The following PLSCR4 variants were observed in gnomAD, a reference collection of about 807,000 sequenced individuals.
The protein encoded by PLSCR4 is Ca(2+)-dependent phospholipid scramblase 4.
Under a neutral mutation model 36.3 loss-of-function variants are expected in PLSCR4, and 25 were observed. That is an observed-to-expected ratio of 0.69 (90% CI 0.50 to 0.96). The LOEUF (loss-of-function observed/expected upper bound fraction) is 0.96. PLSCR4 is among the 40% of genes least tolerant of loss of function. PLSCR4 has a pLI of 0.00. For missense variants in PLSCR4, 408 were observed against 414.7 expected (o/e 0.98, Z 0.14); for synonymous variants, 122 against 132.9 (o/e 0.92, Z 0.56).
intron 1 of PLSCR4, among the ~76,000 whole-genome samples, chr3:146,242,194 T>C (rs2036176762): frequency 6.6e-6 from 1 of 152,220 alleles, no homozygotes; most frequent in Non-Finnish European, 1.5e-5. Flanking sequence ...TGCCTGCCCA[T>C]GTTGCTCGGT....
intron 1 of PLSCR4, among the ~76,000 whole-genome samples, chr3:146,227,267 A>G (rs1038305573): frequency 6.6e-6 from 1 of 152,096 alleles, no homozygotes; most frequent in African/African-American, 2.4e-5. Flanking sequence ...AGGCCTTGGT[A>G]TTTTGGGGGC....
intron 1 of PLSCR4, among the ~76,000 whole-genome samples, chr3:146,236,426 C>T (rs1012516462): frequency 6.6e-6 from 1 of 152,000 alleles, no homozygotes; most frequent in Admixed American, 6.6e-5. Context: ...TTTTAAATGA[C>T]TCTGATATTG....
chr3:146,230,195 A>AAAT (rs57584804), intron 1 of PLSCR4, among the ~76,000 whole-genome samples: 3 of 152,124 alleles, frequency 2.0e-5, no homozygotes, highest in Admixed American at 6.5e-5. Context: ...GATTGCTAAA[A>AAAT]AATAATAATA....
intron 3 of PLSCR4, among the ~76,000 whole-genome samples, chr3:146,211,810 A>C (rs1013248700): frequency 6.6e-6 from 1 of 152,154 alleles, no homozygotes; most frequent in Non-Finnish European, 1.5e-5. Context: ...TGAAAAGAGT[A>C]TTCTTTCCCT....
At chr3:146,196,881 T>C in intron 6 of PLSCR4, 88 bp from the exon 7 acceptor site, 7 of 1,084,816 alleles carry the variant, frequency 6.5e-6, no homozygotes, top group Non-Finnish European at 6.8e-6. Context: ...AGATGTGTCC[T>C]CACTCATTCA....
intron 1 of PLSCR4, among the ~76,000 whole-genome samples, chr3:146,239,062 A>G (rs1397329673): frequency 1.3e-5 from 2 of 152,192 alleles, no homozygotes; most frequent in African/African-American, 2.4e-5. Flanking sequence ...AGGCTTGTAC[A>G]CTGAAAACCA....
chr3:146,196,652 C>T lies in PLSCR4; in HGVS notation c.766G>A (p.Gly256Ser). ...VRGPCSTYGC[G>S]SDSVFEVKSL... ...TTCACCTCAAAAACAGAATCTGAAC[C>T]ACAGCCATAGGTTGAGCATGGCCCA... The change falls in exon 7 of 9, where the codon GGT becomes AGT. Residue 256 changes from glycine (G) to serine (S), a missense_variant. By Grantham distance (56) the Gly-to-Ser change is moderately conservative. Transcript: ENST00000354952. The T allele has an allele frequency of 6.2e-7, 1 of 1,613,786 alleles. No individual in the cohort carries two copies. Among genetic ancestry groups the T allele is most frequent in the Non-Finnish European group, 8.5e-7 (1 of 1,179,822 alleles).
At chr3:146,216,917 G>A (rs2034923502) in intron 3 of PLSCR4, among the ~76,000 whole-genome samples, 1 of 152,104 alleles carries the variant, frequency 6.6e-6, no homozygotes, top group African/African-American at 2.4e-5. Flanking sequence ...AGGTGATGAA[G>A]TCTAAGACAT....
chr3:146,203,524 C>T (rs2034153883), intron 4 of PLSCR4, among the ~76,000 whole-genome samples: 1 of 152,022 alleles, frequency 6.6e-6, no homozygotes, highest in African/African-American at 2.4e-5. Flanking sequence ...GAGTCACCTT[C>T]ATCAATGATC....
At chr3:146,211,081 G>C (rs1350500276) in intron 3 of PLSCR4, among the ~76,000 whole-genome samples, 1 of 151,952 alleles carries the variant, frequency 6.6e-6, no homozygotes, top group African/African-American at 2.4e-5. Flanking sequence ...CAGTTCTCTA[G>C]CTATGAGTGA....
At chr3:146,245,893 A>G (rs533864643) in intron 1 of PLSCR4, among the ~76,000 whole-genome samples, 1 of 152,230 alleles carries the variant, frequency 6.6e-6, no homozygotes, top group African/African-American at 2.4e-5. Flanking sequence ...AATCCTCTTT[A>G]TAGACTTTAA....
At chr3:146,230,946 G>A (rs2035685773) in intron 1 of PLSCR4, among the ~76,000 whole-genome samples, 1 of 149,360 alleles carries the variant, frequency 6.7e-6, no homozygotes, top group African/African-American at 2.6e-5. Context: ...AGGGTTTGGT[G>A]TACAAATGAC....
intron 1 of PLSCR4, among the ~76,000 whole-genome samples, chr3:146,239,813 G>A (rs558732551): frequency 6.6e-6 from 1 of 152,238 alleles, no homozygotes; most frequent in South Asian, 2.1e-4. Flanking sequence ...AACCCGGGAG[G>A]TGGGGGTTGC....
At chr3:146,204,181 T>C (rs1205742107) in intron 4 of PLSCR4, among the ~76,000 whole-genome samples, 3 of 152,110 alleles carry the variant, frequency 2.0e-5, no homozygotes, top group Non-Finnish European at 2.9e-5. Flanking sequence ...GCCAAGACTC[T>C]GAAAATAATA....
intron 3 of PLSCR4, among the ~76,000 whole-genome samples, chr3:146,208,317 T>C (rs1204531127): frequency 7.9e-5 from 12 of 152,112 alleles, no homozygotes; most frequent in Admixed American, 3.3e-4. Context: ...GACCTGAAAC[T>C]ATAAAAATTC....
rs150560365 is a variant in PLSCR4, at chr3:146,196,703, T to C, written c.715A>G (p.Lys239Glu). ...CGAACTCTCATCACATTTTCTTTCT[T>C]CTCATTTTGGATGCTGTACACCGCC... ...CRAVYSIQNEKKENVMRVRGP... is the reference protein window; with the variant it reads ...CRAVYSIQNEEKENVMRVRGP... The change falls in exon 7 of 9, where the codon AAG becomes GAG. Residue 239 changes from lysine to glutamate, a missense_variant. Lys to Glu is a moderately conservative substitution (Grantham distance 56, BLOSUM62 1). Transcript: ENST00000354952. 606 of 1,613,916 alleles carry C rather than the reference T, an allele frequency of 3.8e-4. No homozygotes were observed. Among genetic ancestry groups the C allele is most frequent in the Non-Finnish European group, 5.0e-4 (585 of 1,179,946 alleles).
chr3:146,229,589 T>TTTCA (rs1156781610), intron 1 of PLSCR4, among the ~76,000 whole-genome samples: 1 of 119,648 alleles, frequency 8.4e-6, no homozygotes, highest in African/African-American at 3.9e-5. Context: ...TCATTTTATT[T>TTTCA]TTCATTTATT....
At chr3:146,194,574 G>C (rs1237566903) in intron 8 of PLSCR4, 119 bp from the exon 9 acceptor site, 1 of 638,876 alleles carries the variant, frequency 1.6e-6, no homozygotes, top group African/African-American at 1.9e-5. Flanking sequence ...CATAAATTTA[G>C]GGAAATATTT....
chr3:146,220,780 CA>C, intron 3 of PLSCR4, 34 bp downstream of exon 3: 1 of 1,300,864 alleles, frequency 7.7e-7, no homozygotes, highest in Non-Finnish European at 1.1e-6. Flanking sequence ...TGGTTTTTAG[CA>C]AAGGAGAATA....
Sources: gnomAD v4.1 joint callset for allele counts (sites outside exome capture counted in the v4.1 genomes callset) on GRCh38, gnomAD v4.1.1 for gene constraint, MANE v1.5 for transcripts, NCBI Gene and HGNC (gene_info 2026-07-23, HGNC 2026-07-21) for gene names.